Variants in TMEM135 observed in about 807,000 individuals in gnomAD.
TMEM135 encodes peroxisomal membrane protein 52.
Under a neutral mutation model 60.3 loss-of-function variants are expected in TMEM135, and 30 were observed. The observed-to-expected ratio is 0.50, with a 90% confidence interval of 0.37 to 0.68. TMEM135 has a LOEUF of 0.68. Among genes scored for constraint, TMEM135 ranks in the 30% least tolerant of loss-of-function variants. TMEM135 has a pLI of 0.00. For synonymous variants in TMEM135, 190 were observed against 186.7 expected (o/e 1.02, Z -0.14); for missense variants, 468 against 548.8 (o/e 0.85, Z 1.47).
intron 5 of TMEM135, among the ~76,000 whole-genome samples, chr11:87,167,928 C>T (rs1939107887): frequency 6.6e-6 from 1 of 152,104 alleles, no homozygotes; most frequent in Non-Finnish European, 1.5e-5. Flanking sequence ...AGGTGTGAAT[C>T]TGTCAGGTCC....
intron 1 of TMEM135, among the ~76,000 whole-genome samples, chr11:87,049,445 G>A (rs1334329290): frequency 9.6e-6 from 1 of 103,808 alleles, no homozygotes; most frequent in Non-Finnish European, 1.9e-5. Context: ...GACACACATA[G>A]GCTCAAAATA....
chr11:87,126,498 T>C (rs1247501680), intron 4 of TMEM135, among the ~76,000 whole-genome samples: 1 of 151,884 alleles, frequency 6.6e-6, no homozygotes, highest in Non-Finnish European at 1.5e-5. Context: ...AGCAAAAAAT[T>C]TAGTATACTG....
At chr11:87,177,690 G>A (rs769366119) in intron 5 of TMEM135, among the ~76,000 whole-genome samples, 9 of 151,364 alleles carry the variant, frequency 5.9e-5, no homozygotes, top group East Asian at 3.9e-4. Flanking sequence ...TTCCATTTCC[G>A]CCCTCTGTGG....
chr11:87,280,770 C>T (rs558446766), intron 6 of TMEM135, among the ~76,000 whole-genome samples: 41 of 152,160 alleles, frequency 2.7e-4, no homozygotes, highest in Non-Finnish European at 4.6e-4. Context: ...GGCACATTGT[C>T]AACTCTTTAT....
intron 6 of TMEM135, among the ~76,000 whole-genome samples, chr11:87,239,725 G>A (rs984810443): frequency 9.0e-5 from 13 of 144,166 alleles, no homozygotes; most frequent in African/African-American, 3.4e-4. Flanking sequence ...AATGAGGCCT[G>A]CTTTCAATAA....
chr11:87,164,727 T>C (rs1938991921), intron 5 of TMEM135, among the ~76,000 whole-genome samples: 1 of 66,168 alleles, frequency 1.5e-5, no homozygotes, highest in African/African-American at 8.5e-5. Context: ...AGCAGTGGTT[T>C]GTAGTTCTCC....
intron 4 of TMEM135, among the ~76,000 whole-genome samples, chr11:87,120,718 G>A (rs11825467): frequency 0.061 from 9,317 of 151,640 alleles, 391 homozygotes; most frequent in South Asian, 0.12. Flanking sequence ...CACCTGCCTC[G>A]GCCTCCCAAA....
rs541561365 is a variant in TMEM135, at chr11:87,120,472, C to CTTTTT, written c.396+29090_396+29094dup. Among the ~76,000 whole-genome samples the CTTTTT allele has an allele frequency of 7.9e-4, 82 of 104,214 alleles. 4 individuals are homozygous for CTTTTT. The highest frequency in any genetic ancestry group is 2.8e-3 in the East Asian group (9 of 3,218). 68.4% of individuals were successfully genotyped at this position (104,214 alleles called of 152,430 possible). ...TAAAATATAGCATGAGATGAAATTT[C>CTTTTT]TTTTTTTTTTTTTTTTTGAGACAGA... On this transcript the variant is annotated intron_variant, in intron 4 of 14. Transcript: ENST00000305494.
intron 1 of TMEM135, among the ~76,000 whole-genome samples, chr11:87,044,949 C>T (rs558057588): frequency 1.3e-5 from 2 of 150,274 alleles, no homozygotes; most frequent in African/African-American, 4.9e-5. Context: ...GCCCGGCCGT[C>T]ATGTGGTCTT....
At chr11:87,205,298 A>G (rs1006047665) in intron 5 of TMEM135, among the ~76,000 whole-genome samples, 1 of 152,182 alleles carries the variant, frequency 6.6e-6, no homozygotes, top group Non-Finnish European at 1.5e-5. Flanking sequence ...TGATTATTTG[A>G]TAGAGTAGTA....
intron 10 of TMEM135, among the ~76,000 whole-genome samples, chr11:87,311,373 C>T (rs1186254975): frequency 6.6e-6 from 1 of 151,974 alleles, no homozygotes; most frequent in East Asian, 1.9e-4. Context: ...AGAAGCATTA[C>T]TAATGTATTT....
chr11:87,206,080 A>G (rs148472055), intron 5 of TMEM135, among the ~76,000 whole-genome samples: 12 of 152,282 alleles, frequency 7.9e-5, no homozygotes, highest in African/African-American at 2.4e-4. Flanking sequence ...GTCATTTTCA[A>G]ATGTGATTCA....
chr11:87,094,264 G>C (rs1157245656), intron 4 of TMEM135, among the ~76,000 whole-genome samples: 1 of 152,102 alleles, frequency 6.6e-6, no homozygotes, highest in African/African-American at 2.4e-5. Context: ...ATTACATATG[G>C]CTAGACTTCC....
intron 10 of TMEM135, 74 bp downstream of exon 10, chr11:87,309,746 A>C: frequency 6.7e-7 from 1 of 1,495,516 alleles, no homozygotes; most frequent in Non-Finnish European, 9.2e-7. Context: ...AGATGGCCTT[A>C]GTTCACTTAT....
chr11:87,180,218 G>A (rs1431086259), intron 5 of TMEM135, among the ~76,000 whole-genome samples: 1 of 152,150 alleles, frequency 6.6e-6, no homozygotes, highest in East Asian at 1.9e-4. Flanking sequence ...TGCAATGGTA[G>A]TGGTGGTGGC....
chr11:87,150,427 C>G (rs1359181082), intron 4 of TMEM135, among the ~76,000 whole-genome samples: 1 of 152,130 alleles, frequency 6.6e-6, no homozygotes, highest in East Asian at 1.9e-4. Flanking sequence ...ACATTACTGA[C>G]TTCCTACTAC....
chr11:87,040,960 T>C (rs2512377), intron 1 of TMEM135, among the ~76,000 whole-genome samples: 1 of 151,830 alleles, frequency 6.6e-6, no homozygotes, highest in Non-Finnish European at 1.5e-5. Flanking sequence ...TACAGACATT[T>C]ATTCATGCAG....
At chr11:87,118,430 C>A (rs935330423) in intron 4 of TMEM135, among the ~76,000 whole-genome samples, 10 of 151,888 alleles carry the variant, frequency 6.6e-5, no homozygotes, top group Non-Finnish European at 1.3e-4. Context: ...GCTAGATCTT[C>A]TGGATAACTT....
At chr11:87,104,048 A>G (rs927792864) in intron 4 of TMEM135, among the ~76,000 whole-genome samples, 4 of 152,020 alleles carry the variant, frequency 2.6e-5, no homozygotes, top group African/African-American at 4.8e-5. Flanking sequence ...ATTTTCTTTT[A>G]GTCATTTTAT....
Sources: gnomAD v4.1 joint callset for allele counts (sites outside exome capture counted in the v4.1 genomes callset) on GRCh38, gnomAD v4.1.1 for gene constraint, MANE v1.5 for transcripts, NCBI Gene and HGNC (gene_info 2026-07-23, HGNC 2026-07-21) for gene names.